Variants in MEF2C observed in about 807,000 individuals in gnomAD.
MEF2C encodes the protein myocyte-specific enhancer factor 2C.
Under a neutral mutation model 50.5 loss-of-function variants are expected in MEF2C, and 6 were observed. The ratio of observed to expected loss-of-function variants is 0.12; its 90% CI spans 0.07 to 0.23. The LOEUF (loss-of-function observed/expected upper bound fraction) is 0.23, where lower values mean the gene tolerates loss of function less well. Among genes scored for constraint, MEF2C ranks in the 10% least tolerant of loss-of-function variants. The probability of loss-of-function intolerance (pLI) is 1.00; values close to 1 mark genes in which losing one functional copy is unlikely to be tolerated. For missense variants in MEF2C, 276 were observed against 605.0 expected (o/e 0.46, Z 5.70); for synonymous variants, 183 against 228.0 (o/e 0.80, Z 1.78).
chr5:88,783,179 G>A (rs969197560), intron 3 of MEF2C, among the ~76,000 whole-genome samples: 2 of 152,042 alleles, frequency 1.3e-5, no homozygotes, highest in Non-Finnish European at 1.5e-5. Flanking sequence ...TATCAGGAGC[G>A]GCACTGCCAT....
intron 3 of MEF2C, among the ~76,000 whole-genome samples, chr5:88,793,510 T>G (rs2152983315): frequency 6.6e-6 from 1 of 152,206 alleles, no homozygotes; most frequent in East Asian, 1.9e-4. Context: ...AGAGCAGGAA[T>G]TCAACAAATT....
chr5:88,830,447 G>C (rs1423922646), intron 1 of MEF2C, among the ~76,000 whole-genome samples: 1 of 152,020 alleles, frequency 6.6e-6, no homozygotes. Flanking sequence ...GAATTTAGGA[G>C]ACACATACCT....
intron 1 of MEF2C, chr5:88,843,170 T>G (rs2153343042): frequency 3.7e-6 from 1 of 271,764 alleles, no homozygotes; most frequent in African/African-American, 2.3e-5. Context: ...GATGAAGGGC[T>G]TTATAAAAAT....
chr5:88,824,491 T>C, intron 1 of MEF2C: 1 of 353,460 alleles, frequency 2.8e-6, no homozygotes, highest in Non-Finnish European at 4.0e-6. Context: ...TTTAAAAAAA[T>C]TATTGCTGTG....
At chr5:88,837,002 C>A (rs1438474077) in intron 1 of MEF2C, among the ~76,000 whole-genome samples, 1,055 of 86,396 alleles carry the variant, frequency 0.012, no homozygotes, top group African/African-American at 0.02. Context: ...AGCTGTTTCT[C>A]AAAAAAAAAA....
intron 3 of MEF2C, among the ~76,000 whole-genome samples, chr5:88,782,968 G>A (rs1580622977): frequency 6.6e-6 from 1 of 152,176 alleles, no homozygotes; most frequent in East Asian, 1.9e-4. Context: ...TTCATATCAA[G>A]CTAATACTTT....
In MEF2C at chr5:88,801,964, C is replaced by G. The variant is rs541701405; in HGVS notation, c.258+2634G>C. On this transcript the variant is annotated intron_variant, in intron 3 of 10. Coordinates refer to ENST00000504921, the MANE Select transcript of MEF2C (RefSeq NM_002397.5). Reference sequence around the variant, plus strand: ...TCTTTTTCCATGATCTCTGTTATTACTAAAATGTGGAAAAGCCAAATATGT... The same window carrying G: ...TCTTTTTCCATGATCTCTGTTATTAGTAAAATGTGGAAAAGCCAAATATGT... Among the ~76,000 whole-genome samples the G allele has an allele frequency of 1.9e-3, 287 of 152,270 alleles. 1 individual carries two copies. The highest frequency in any genetic ancestry group is 3.4e-3 in the Middle Eastern group (1 of 292).
At chr5:88,841,532 A>G (rs961332647) in intron 1 of MEF2C, among the ~76,000 whole-genome samples, 8 of 151,864 alleles carry the variant, frequency 5.3e-5, no homozygotes, top group Admixed American at 3.9e-4. Flanking sequence ...AAGAAGAAAA[A>G]AAGAAGCAAA....
At chr5:88,844,476 C>G (rs1397654466) in intron 1 of MEF2C, 1 of 162,932 alleles carries the variant, frequency 6.1e-6, no homozygotes, top group African/African-American at 2.4e-5. Flanking sequence ...ACGATCAGAG[C>G]TTTTATCTAA....
intron 1 of MEF2C, among the ~76,000 whole-genome samples, chr5:88,831,305 A>G (rs1464641168): frequency 6.6e-6 from 1 of 151,982 alleles, no homozygotes; most frequent in African/African-American, 2.4e-5. Flanking sequence ...AAGACACCTG[A>G]GTTGTCTTGA....
At chr5:88,795,124 G>A (rs533711929) in intron 3 of MEF2C, among the ~76,000 whole-genome samples, 9 of 152,134 alleles carry the variant, frequency 5.9e-5, no homozygotes, top group Admixed American at 2.0e-4. Context: ...TTGGCTATAC[G>A]GGCTCTTTTT....
chr5:88,901,922 A>G (rs969676749), intron 1 of MEF2C, among the ~76,000 whole-genome samples: 7 of 151,942 alleles, frequency 4.6e-5, no homozygotes, highest in African/African-American at 1.7e-4. Flanking sequence ...CAGTAGCTTC[A>G]TTTATACTTA....
chr5:88,767,072 C>CA (rs1452463205), intron 3 of MEF2C, among the ~76,000 whole-genome samples: 2 of 152,164 alleles, frequency 1.3e-5, no homozygotes, highest in African/African-American at 2.4e-5. Context: ...TGCTGGTACT[C>CA]ACGCTGCTGC....
chr5:88,769,236 A>G (rs1168634224), intron 3 of MEF2C, among the ~76,000 whole-genome samples: 1 of 152,252 alleles, frequency 6.6e-6, no homozygotes, highest in Non-Finnish European at 1.5e-5. Flanking sequence ...GGCAAAGTTC[A>G]TCATTTTCCC....
At chr5:88,743,400 T>C (rs1008664808) in intron 6 of MEF2C, 2 of 985,228 alleles carry the variant, frequency 2.0e-6, no homozygotes, top group Admixed American at 6.2e-5. Context: ...TGATAAGTAT[T>C]CTTGAAAACA....
intron 3 of MEF2C, among the ~76,000 whole-genome samples, chr5:88,794,782 G>A (rs554447101): frequency 5.3e-5 from 8 of 152,198 alleles, no homozygotes; most frequent in African/African-American, 1.9e-4. Flanking sequence ...TAGGCCTTAC[G>A]TTTAAGTCTT....
intron 3 of MEF2C, chr5:88,782,276 G>T (rs1299055688): frequency 2.1e-6 from 1 of 486,892 alleles, no homozygotes; most frequent in Non-Finnish European, 2.7e-6. Flanking sequence ...GAACAGCCTG[G>T]GCAACATGGC....
chr5:88,857,818 A>G (rs1031804264), intron 1 of MEF2C, among the ~76,000 whole-genome samples: 2 of 152,184 alleles, frequency 1.3e-5, no homozygotes, highest in African/African-American at 4.8e-5. Flanking sequence ...TCTTTTCTTT[A>G]TAAATTATCC....
intron 1 of MEF2C, among the ~76,000 whole-genome samples, chr5:88,893,157 A>C (rs923305921): frequency 6.6e-6 from 1 of 152,206 alleles, no homozygotes; most frequent in African/African-American, 2.4e-5. Flanking sequence ...AGACTTAGAG[A>C]ATGTCAATAA....
Sources: allele counts gnomAD v4.1 joint callset (sites outside exome capture counted in the v4.1 genomes callset), GRCh38; gene constraint gnomAD v4.1.1; transcripts MANE v1.5; gene names NCBI Gene and HGNC (gene_info 2026-07-23, HGNC 2026-07-21).